Variants in ZMYND11 observed in about 807,000 individuals in gnomAD.
ZMYND11 encodes the protein zinc finger MYND-type containing 11, also known as zinc finger MYND domain-containing protein 11.
In ZMYND11, 9 loss-of-function variants were observed where a neutral mutation model predicts 84.9. That is an observed-to-expected ratio of 0.11 (90% CI 0.06 to 0.18). The LOEUF (loss-of-function observed/expected upper bound fraction) is 0.18. Ranked by LOEUF, ZMYND11 falls within the 10% of genes least tolerant of loss-of-function variation. The probability of loss-of-function intolerance (pLI) is 1.00; values close to 1 mark genes in which losing one functional copy is unlikely to be tolerated. For missense variants in ZMYND11, 409 were observed against 761.0 expected (o/e 0.54, Z 5.44); for synonymous variants, 250 against 244.1 (o/e 1.02, Z -0.23).
At position 253,793 on chromosome 10, in the gene ZMYND11, A is replaced by T. The variant is rs1953927217; in HGVS notation, c.*1323A>T. The T allele has an allele frequency of 6.6e-6, 1 of 152,654 alleles. No individual in the cohort carries two copies. The highest frequency in any genetic ancestry group is 1.9e-4 in the East Asian group (1 of 5,196). The allele number at this position is 152,654 out of a possible 1,614,324, so 9.5% of individuals were successfully genotyped here. A position where few individuals can be genotyped will look rare whatever the true frequency, so the allele number is the denominator to read the frequency against. On this transcript the variant is annotated 3_prime_UTR_variant, in exon 15 of 15. Coordinates refer to ENST00000381604, the MANE Select transcript of ZMYND11 (RefSeq NM_001370100.5). ...ATATTTATTTAGACCTTTGATATTT[A>T]TTAAAGCAATTACTCACAATGGAAG...
Position 252,145 on chromosome 10 carries a change from T to A in ZMYND11, c.1687-203T>A, listed in dbSNP as rs1314535259. Among the ~76,000 whole-genome samples, 1 of 152,114 alleles carries A rather than the reference T, an allele frequency of 6.6e-6. No homozygotes were observed. The highest frequency in any genetic ancestry group is 2.4e-5 in the African/African-American group (1 of 41,414). ...TGTCAGGTACCACCTGACAGCAGCT[T>A]GAGTTTGCTGACAACCAGGCATGAG... is the stretch of plus-strand genomic sequence containing the variant. On this transcript the variant is annotated intron_variant, in intron 14 of 14. Coordinates refer to ENST00000381604, the MANE Select transcript of ZMYND11 (RefSeq NM_001370100.5). The surrounding 1 kb of genome is among the most constrained non-coding windows in gnomAD (Gnocchi z 4.6).
At chr10:205,773 T>C (rs1944017918) in intron 2 of ZMYND11, among the ~76,000 whole-genome samples, 1 of 152,008 alleles carries the variant, frequency 6.6e-6, no homozygotes, top group Non-Finnish European at 1.5e-5. Flanking sequence ...TTCATTTAGA[T>C]CTTTTGTAAT....
At chr10:197,169 T>G (rs1440756095) in intron 2 of ZMYND11, among the ~76,000 whole-genome samples, 1 of 151,148 alleles carries the variant, frequency 6.6e-6, no homozygotes, top group East Asian at 1.9e-4. Flanking sequence ...TACATACGCG[T>G]GGAAAGTGGA....
At chr10:194,205 G>A (rs1383871483) in intron 2 of ZMYND11, among the ~76,000 whole-genome samples, 2 of 151,406 alleles carry the variant, frequency 1.3e-5, no homozygotes, top group Non-Finnish European at 2.9e-5. Flanking sequence ...GCCCAGGCTG[G>A]TCTCGAACTC....
rs1950130338 is a variant in ZMYND11, at chr10:237,168, T to C, written c.516+253T>C. Among the ~76,000 whole-genome samples the C allele has an allele frequency of 2.6e-5, 4 of 152,246 alleles. No homozygotes were observed. In the South Asian group the frequency reaches 8.3e-4, roughly 31 times the overall value. ...CATGAGATTAGAAACATTTACATTT[T>C]TGAATTTCATTCATCAGAATGAACA... On this transcript the variant is annotated intron_variant, in intron 5 of 14. Coordinates refer to ENST00000381604, the MANE Select transcript of ZMYND11 (RefSeq NM_001370100.5).
intron 1 of ZMYND11, among the ~76,000 whole-genome samples, chr10:149,412 G>A (rs538073415): frequency 2.0e-4 from 30 of 151,684 alleles, no homozygotes; most frequent in African/African-American, 7.0e-4. Flanking sequence ...CTGGGTTCAC[G>A]CCATTCTCCT....
intron 4 of ZMYND11, among the ~76,000 whole-genome samples, chr10:235,264 G>A (rs2436031): frequency 0.9 from 137,401 of 152,192 alleles, 62,872 homozygotes; most frequent in Non-Finnish European, 0.98. Context: ...AACAGTGCCT[G>A]TGGCCAAATA....
At chr10:175,130 T>TTTTAACAAA (rs1846312181) in intron 1 of ZMYND11, among the ~76,000 whole-genome samples, 1 of 152,128 alleles carries the variant, frequency 6.6e-6, no homozygotes, top group East Asian at 1.9e-4. Context: ...CAGTGTAGGT[T>TTTTAACAAA]TGTTGATTTT....
intron 4 of ZMYND11, among the ~76,000 whole-genome samples, chr10:236,438 ATGT>A (rs1195533777): frequency 6.6e-6 from 1 of 152,356 alleles, no homozygotes; most frequent in East Asian, 1.9e-4. Context: ...ACGAAGAATA[ATGT>A]TGTATTGAAA....
intron 1 of ZMYND11, among the ~76,000 whole-genome samples, chr10:176,097 G>A (rs1234246685): frequency 2.0e-5 from 3 of 151,972 alleles, no homozygotes; most frequent in Admixed American, 1.3e-4. Flanking sequence ...TTTTTCTGAC[G>A]TGTTTTCTCC....
chr10:243,232 C>G (rs1244633398), intron 10 of ZMYND11, among the ~76,000 whole-genome samples: 2 of 152,144 alleles, frequency 1.3e-5, no homozygotes, highest in Non-Finnish European at 2.9e-5. Flanking sequence ...AATGTTGCTA[C>G]AGAGAGACCT....
chr10:192,772 G>A (rs1940780876), intron 2 of ZMYND11, among the ~76,000 whole-genome samples: 1 of 152,112 alleles, frequency 6.6e-6, no homozygotes, highest in South Asian at 2.1e-4. Flanking sequence ...TTTGAACTTG[G>A]CATTTCTTTA....
At chr10:246,063 AGAAAGAGACCAATGCCCAGGAAAAAGT>A (rs1474213414) in intron 10 of ZMYND11, among the ~76,000 whole-genome samples, 30 of 152,226 alleles carry the variant, frequency 2.0e-4, no homozygotes, top group Non-Finnish European at 4.1e-4. Context: ...ATTTAAGCCG[AGAAAGAGACCAATGCCCAGGAAAAAGT>A]GTTCTTTCCA....
intron 1 of ZMYND11, among the ~76,000 whole-genome samples, chr10:152,775 C>T (rs1211197194): frequency 2.6e-5 from 4 of 152,224 alleles, no homozygotes; most frequent in Non-Finnish European, 2.9e-5. Context: ...CTCAGCACCA[C>T]GTTGCACTTA....
At chr10:185,397 T>A (rs1017174395) in intron 2 of ZMYND11, among the ~76,000 whole-genome samples, 1 of 151,802 alleles carries the variant, frequency 6.6e-6, no homozygotes, top group Non-Finnish European at 1.5e-5. Flanking sequence ...TTATTTGGTA[T>A]TCTTCCAGTA....
At chr10:141,921 ACT>A (rs1837587622) in intron 1 of ZMYND11, among the ~76,000 whole-genome samples, 1 of 152,202 alleles carries the variant, frequency 6.6e-6, no homozygotes, top group Admixed American at 6.5e-5. Flanking sequence ...AGCTCTCATA[ACT>A]CGGGTTAAAA....
intron 4 of ZMYND11, among the ~76,000 whole-genome samples, chr10:236,185 G>A (rs941483974): frequency 1.3e-5 from 2 of 152,194 alleles, no homozygotes; most frequent in African/African-American, 4.8e-5. Flanking sequence ...TTTGACTAAG[G>A]AAATAGGCAC....
chr10:235,078 C>T lies in ZMYND11; in HGVS notation c.439-1760C>T, dbSNP rs184043945. Among the ~76,000 whole-genome samples, 250 of 152,052 alleles carry T rather than the reference C, an allele frequency of 1.6e-3. 6 individuals carry two copies. The highest frequency in any genetic ancestry group is 3.5e-4 in the Non-Finnish European group (24 of 68,004). ...TGTTCTCACTACAAAAACCAGTTAG[C>T]TCTATTTCGCCATTGCACGTATTTC... On this transcript the variant is annotated intron_variant, in intron 4 of 14. Coordinates refer to ENST00000381604, the MANE Select transcript of ZMYND11 (RefSeq NM_001370100.5).
intron 14 of ZMYND11, chr10:249,776 A>T: frequency 2.0e-6 from 2 of 984,188 alleles, no homozygotes; most frequent in Non-Finnish European, 2.4e-6. Flanking sequence ...TGACTATATA[A>T]AGTTTTGTGA....
Sources: gnomAD v4.1 joint callset for allele counts (sites outside exome capture counted in the v4.1 genomes callset) on GRCh38, gnomAD v4.1.1 for gene constraint, Gnocchi (gnomAD v3.1) non-coding constraint, MANE v1.5 for transcripts, NCBI Gene and HGNC (gene_info 2026-07-23, HGNC 2026-07-21) for gene names.